Variants in RBMS3 observed in about 807,000 individuals in gnomAD.
RBMS3 encodes RNA-binding motif, single-stranded-interacting protein 3.
A neutral mutation model predicts 66.8 loss-of-function variants in RBMS3; 27 were observed. The observed-to-expected ratio is 0.40, with a 90% confidence interval of 0.30 to 0.56. The LOEUF is 0.56. Ranked by LOEUF, RBMS3 falls within the 20% of genes least tolerant of loss-of-function variation. The pLI, the probability that RBMS3 is intolerant of heterozygous loss-of-function variation, is 0.40. For missense variants in RBMS3, 513 were observed against 549.5 expected, an observed-to-expected ratio of 0.93 and a Z score of 0.66; for synonymous variants, 188 against 183.0, an observed-to-expected ratio of 1.03 and a Z score of -0.22.
intron 1 of RBMS3, among the ~76,000 whole-genome samples, chr3:29,369,407 T>C (rs1022691755): frequency 6.6e-6 from 1 of 151,508 alleles, no homozygotes; most frequent in African/African-American, 2.4e-5. Flanking sequence ...CGCATTTACT[T>C]TTGCACCAAC....
At chr3:29,420,689 T>C (rs1302927810) in intron 1 of RBMS3, among the ~76,000 whole-genome samples, 2 of 152,194 alleles carry the variant, frequency 1.3e-5, no homozygotes, top group African/African-American at 4.8e-5. Context: ...TTTTCTGTTT[T>C]GATTCCCCAC....
intron 1 of RBMS3, among the ~76,000 whole-genome samples, chr3:29,419,152 C>T (rs892029452): frequency 2.0e-5 from 3 of 152,150 alleles, no homozygotes; most frequent in Non-Finnish European, 2.9e-5. Flanking sequence ...ATCTCCTATA[C>T]TCTTAATACA....
At chr3:29,810,685 GTGTA>G (rs1456340442) in intron 6 of RBMS3, among the ~76,000 whole-genome samples, 1 of 152,166 alleles carries the variant, frequency 6.6e-6, no homozygotes, top group Non-Finnish European at 1.5e-5. Context: ...ATACATATAT[GTGTA>G]TGTGTGTTTC....
chr3:29,622,401 G>T (rs1167437249), intron 4 of RBMS3, among the ~76,000 whole-genome samples: 2 of 152,218 alleles, frequency 1.3e-5, no homozygotes, highest in Non-Finnish European at 2.9e-5. Flanking sequence ...TTCTGAGCTT[G>T]TGTTGTTGAG....
At chr3:29,893,943 AG>A (rs1482691145) in intron 8 of RBMS3, among the ~76,000 whole-genome samples, 4 of 151,504 alleles carry the variant, frequency 2.6e-5, no homozygotes, top group Admixed American at 2.6e-4. Context: ...AGAGTTATCA[AG>A]TATCTACTAT....
intron 4 of RBMS3, 88 bp from the exon 5 acceptor site, chr3:29,739,632 A>T: frequency 8.2e-7 from 1 of 1,222,304 alleles, no homozygotes; most frequent in Non-Finnish European, 1.1e-6. Context: ...ATTATTATCT[A>T]GATTGCAGTT....
At chr3:29,396,138 A>G (rs1192908799) in intron 1 of RBMS3, among the ~76,000 whole-genome samples, 1 of 152,216 alleles carries the variant, frequency 6.6e-6, no homozygotes, top group African/African-American at 2.4e-5. Flanking sequence ...GCTGGATATC[A>G]TGTGCCTATG....
chr3:29,955,531 C>G lies in RBMS3; in HGVS notation c.1098+11277C>G, dbSNP rs79715774. ...TTCTAAGTTAGATCCTTGGATTAAG[C>G]TAAAAAAAAGCTGTTTTACCTGGAT... On this transcript the variant is annotated intron_variant, in intron 12 of 14. Transcript: ENST00000383767. Among the ~76,000 whole-genome samples the G allele has an allele frequency of 4.8e-3, 727 of 152,000 alleles. 5 individuals are homozygous for G. The highest frequency in any genetic ancestry group is 0.016 in the African/African-American group (679 of 41,514).
At chr3:29,717,218 A>G (rs993297825) in intron 4 of RBMS3, among the ~76,000 whole-genome samples, 4 of 152,066 alleles carry the variant, frequency 2.6e-5, no homozygotes, top group Non-Finnish European at 5.9e-5. Context: ...TGCAACGCAC[A>G]GTGCTCAATA....
chr3:29,586,978 T>C, intron 3 of RBMS3, 136 bp from the exon 4 acceptor site: 1 of 591,040 alleles, frequency 1.7e-6, no homozygotes, highest in Non-Finnish European at 2.9e-6. Context: ...ACCACTAATC[T>C]AAGAGCCTAA....
At chr3:29,378,690 T>C (rs531564076) in intron 1 of RBMS3, among the ~76,000 whole-genome samples, 32 of 152,338 alleles carry the variant, frequency 2.1e-4, no homozygotes, top group Non-Finnish European at 3.8e-4. Context: ...TTATTTTTAA[T>C]ATACATTTTC....
At chr3:29,454,955 T>C (rs2042132579) in intron 2 of RBMS3, among the ~76,000 whole-genome samples, 1 of 152,204 alleles carries the variant, frequency 6.6e-6, no homozygotes, top group African/African-American at 2.4e-5. Flanking sequence ...GCTATGCATT[T>C]CAACGTCAAA....
At chr3:29,378,439 T>G (rs1302220892) in intron 1 of RBMS3, among the ~76,000 whole-genome samples, 1 of 151,012 alleles carries the variant, frequency 6.6e-6, no homozygotes, top group East Asian at 2.0e-4. Flanking sequence ...GCCACGGCAT[T>G]GCAGCCTGAG....
intron 4 of RBMS3, among the ~76,000 whole-genome samples, chr3:29,712,593 A>G (rs2053222715): frequency 6.6e-6 from 1 of 152,172 alleles, no homozygotes; most frequent in Non-Finnish European, 1.5e-5. Context: ...GATTACAGGC[A>G]GAAGCCACTA....
At chr3:29,479,983 T>C (rs1368702960) in intron 2 of RBMS3, among the ~76,000 whole-genome samples, 1 of 152,190 alleles carries the variant, frequency 6.6e-6, no homozygotes, top group Admixed American at 6.5e-5. Flanking sequence ...GTTTCTGCCC[T>C]AAAAATACTT....
At chr3:29,424,752 C>A (rs1298191038) in intron 1 of RBMS3, among the ~76,000 whole-genome samples, 2 of 152,060 alleles carry the variant, frequency 1.3e-5, no homozygotes, top group African/African-American at 2.4e-5. Context: ...TAATTGGGAA[C>A]AAAGTGTGTT....
Position 29,662,353 on chromosome 3 carries a change from G to A in RBMS3, c.399+75148G>A, listed in dbSNP as rs149543820. 4.8e-3 allele frequency among the ~76,000 whole-genome samples: 731 copies of A among 152,258 alleles called. 10 individuals carry two copies. The highest frequency in any genetic ancestry group is 0.017 in the African/African-American group (704 of 41,546). On this transcript the variant is annotated intron_variant, in intron 4 of 14. Transcript: ENST00000383767. ...TATAGACACTGAAAAGGGGGAAAGG[G>A]CATTAAGATTAACTGACAATAAATA...
At chr3:29,664,528 G>A (rs1206260678) in intron 4 of RBMS3, among the ~76,000 whole-genome samples, 2 of 151,930 alleles carry the variant, frequency 1.3e-5, no homozygotes, top group East Asian at 3.9e-4. Flanking sequence ...ACTATGACTT[G>A]TCATGGTTTT....
chr3:29,931,848 C>G (rs1457498029), intron 10 of RBMS3, among the ~76,000 whole-genome samples: 1 of 152,064 alleles, frequency 6.6e-6, no homozygotes, highest in African/African-American at 2.4e-5. Flanking sequence ...TGGCAAAAAT[C>G]AGACATGAAT....
Sources: gnomAD v4.1 joint callset for allele counts (sites outside exome capture counted in the v4.1 genomes callset) on GRCh38, gnomAD v4.1.1 for gene constraint, MANE v1.5 for transcripts, NCBI Gene and HGNC (gene_info 2026-07-23, HGNC 2026-07-21) for gene names.